TPGS1: variants seen among roughly 807,000 people sequenced by gnomAD.
The protein encoded by TPGS1 is tubulin polyglutamylase complex subunit 1, also known as gene trap ROSA b-geo 22.
In TPGS1, 18 loss-of-function variants were observed where a neutral mutation model predicts 11.9. That is an observed-to-expected ratio of 1.51 (90% CI 1.04 to 2.24). The LOEUF is 2.24. Among genes scored for constraint, TPGS1 ranks in the 30% most tolerant of loss-of-function variants. The pLI, the probability that TPGS1 is intolerant of heterozygous loss-of-function variation, is 0.00. For missense variants in TPGS1, 500 were observed against 443.0 expected (o/e 1.13, Z -1.16); for synonymous variants, 247 against 218.2 (o/e 1.13, Z -1.16).
chr19:509,263 C>T (rs1014570927), intron 1 of TPGS1: 2 of 152,288 alleles, frequency 1.3e-5, no homozygotes, highest in African/African-American at 4.8e-5. Context: ...GGAAGATGGC[C>T]TCCCAGGACA....
Position 519,526 on chromosome 19 carries a change from C to T in TPGS1, c.*103C>T, listed in dbSNP as rs1382651859. 5 of 1,063,420 alleles carry T rather than the reference C, an allele frequency of 4.7e-6. No individual in the cohort carries two copies. Among genetic ancestry groups the T allele is most frequent in the South Asian group, 4.7e-5 (1 of 21,280 alleles). The allele number at this position is 1,063,420 out of a possible 1,614,324, so 65.9% of individuals were successfully genotyped here. A position where few individuals can be genotyped will look rare whatever the true frequency, so the allele number is the denominator to read the frequency against. On this transcript the variant is annotated 3_prime_UTR_variant, in exon 2 of 2. Coordinates refer to ENST00000359315, the MANE Select transcript of TPGS1 (RefSeq NM_033513.3). ...CTGGTGAGGCCCTGCCATAACCAGG[C>T]GCCCAGCCCTGCGGAGGAGGCCGGG...
At chr19:509,020 G>C (rs975826042) in intron 1 of TPGS1, 8 of 152,458 alleles carry the variant, frequency 5.2e-5, no homozygotes, top group African/African-American at 1.7e-4. Flanking sequence ...GTTTGAAGAA[G>C]CTGCCAGAGC....
chr19:507,813 T>G lies in TPGS1; in HGVS notation c.307T>G (p.Trp103Gly), dbSNP rs1978668950. ...LQQQRLGRAL[W>G]HLRLAHHSQR... ...GCAGCAGCGCCTGGGCCGCGCGCTATGGCACCTTCGCCTGGCCCACCACTC... is the reference window on the plus strand; with the variant it reads ...GCAGCAGCGCCTGGGCCGCGCGCTAGGGCACCTTCGCCTGGCCCACCACTC... The change falls in exon 1 of 2, where the codon TGG (tryptophan) becomes GGG (glycine). Residue 103 changes from tryptophan (W) to glycine (G), a missense_variant. By Grantham distance (184) the Trp-to-Gly change is radical. Transcript: ENST00000359315. The G allele has an allele frequency of 7.4e-7, 1 of 1,360,030 alleles. No individual in the cohort carries two copies. Among genetic ancestry groups the G allele is most frequent in the South Asian group, 1.7e-5 (1 of 58,464 alleles). The allele number at this position is 1,360,030 out of a possible 1,614,324, so 84.2% of individuals were successfully genotyped here.
At chr19:515,557 G>A (rs1319751359) in intron 1 of TPGS1, among the ~76,000 whole-genome samples, 1 of 151,730 alleles carries the variant, frequency 6.6e-6, no homozygotes, top group Non-Finnish European at 1.5e-5. Flanking sequence ...GGCCGACATG[G>A]TGAAACCCCG....
intron 1 of TPGS1, among the ~76,000 whole-genome samples, chr19:517,323 TG>T (rs1352917259): frequency 5.8e-5 from 7 of 120,002 alleles, no homozygotes; most frequent in African/African-American, 2.3e-4. Context: ...CCGGTCCAGT[TG>T]GAGCTGGGAA....
Position 518,941 on chromosome 19 carries a change from G to A in TPGS1, c.391G>A (p.Gly131Arg), listed in dbSNP as rs1203277998. The change falls in exon 2 of 2, where the codon GGG (glycine) becomes AGG (arginine). Residue 131 changes from glycine to arginine, a missense_variant. By Grantham distance (125) the Gly-to-Arg change is moderately radical. Transcript: ENST00000359315. ...SVAYECLSAGGRRKRPGLDGR... is the reference protein window; with the variant it reads ...SVAYECLSAGRRRKRPGLDGR... ...GGCCTACGAGTGCCTGAGCGCCGGCGGGCGCAGGAAGAGGCCGGGGCTGGA... is the reference window on the plus strand; with the variant it reads ...GGCCTACGAGTGCCTGAGCGCCGGCAGGCGCAGGAAGAGGCCGGGGCTGGA... 3 of 1,581,528 alleles carry A rather than the reference G, an allele frequency of 1.9e-6. No individual in the cohort carries two copies. The highest frequency in any genetic ancestry group is 2.6e-6 in the Non-Finnish European group (3 of 1,170,724).
intron 1 of TPGS1, chr19:508,698 G>C (rs977970333): frequency 1.3e-5 from 2 of 152,510 alleles, no homozygotes; most frequent in Non-Finnish European, 2.9e-5. Context: ...AAGCAAAGGT[G>C]CCCTTTCAGC....
In TPGS1 at chr19:515,840, G is replaced by A. The variant is rs569695930; in HGVS notation, c.339-3049G>A. ...GAGGTCAGGAGATCGAGACCATCCC[G>A]GCTAAAACGGTGAAACCCCGTCTCT... On this transcript the variant is annotated intron_variant, in intron 1 of 1. Transcript: ENST00000359315. Among the ~76,000 whole-genome samples, 349 of 152,142 alleles carry A rather than the reference G, an allele frequency of 2.3e-3. 2 individuals are homozygous for A. Among genetic ancestry groups the A allele is most frequent in the African/African-American group, 7.3e-3 (302 of 41,514 alleles).
At position 507,736 on chromosome 19, in the gene TPGS1, G is replaced by C; in HGVS notation, c.230G>C (p.Arg77Pro). The stretch of plus-strand genomic sequence containing the variant: ...CACTACTTCGAGAACATGGGCCTGC[G>C]CTCGCCTGTAAACGGCGGCGCCGGG... ...LAHYFENMGL[R>P]SPVNGGAGEP... The change falls in exon 1 of 2, where the codon CGC becomes CCC. Residue 77 changes from arginine to proline, a missense_variant. Physicochemically the swap from Arg to Pro is moderately radical, Grantham distance 103 (BLOSUM62 -2). Coordinates refer to ENST00000359315, the MANE Select transcript of TPGS1 (RefSeq NM_033513.3). 1 of 1,399,288 alleles carries C rather than the reference G, an allele frequency of 7.1e-7. No homozygotes were observed. Among genetic ancestry groups the C allele is most frequent in the Non-Finnish European group, 9.3e-7 (1 of 1,074,684 alleles). The allele number at this position is 1,399,288 out of a possible 1,614,324, so 86.7% of individuals were successfully genotyped here.
At chr19:510,223 A>T (rs1044710309) in intron 1 of TPGS1, 1 of 152,078 alleles carries the variant, frequency 6.6e-6, no homozygotes, top group African/African-American at 2.4e-5. Context: ...AATACAAAAA[A>T]TTAGCCGGGT....
At chr19:512,078 C>A (rs1978813535) in intron 1 of TPGS1, among the ~76,000 whole-genome samples, 2 of 152,162 alleles carry the variant, frequency 1.3e-5, no homozygotes, top group South Asian at 4.1e-4. Context: ...ACCATGTTGG[C>A]CAGGCTGGTC....
rs1168713154 is a variant in TPGS1, at chr19:507,848, C to A, written c.338+4C>A. On this transcript the variant is annotated splice_donor_region_variant and intron_variant, in intron 1 of 1. Coordinates refer to ENST00000359315, the MANE Select transcript of TPGS1 (RefSeq NM_033513.3). Reference sequence around the variant, plus strand: ...GCCTGGCCCACCACTCCCAGAGGTGCGCAGTGGGCCGGCTTGGGCGGGTGG... The same window carrying A: ...GCCTGGCCCACCACTCCCAGAGGTGAGCAGTGGGCCGGCTTGGGCGGGTGG... 1 of 1,324,044 alleles carries A rather than the reference C, an allele frequency of 7.6e-7. No individual in the cohort carries two copies. Among genetic ancestry groups the A allele is most frequent in the South Asian group, 2.0e-5 (1 of 51,198 alleles). 82.0% of individuals were successfully genotyped at this position (1,324,044 alleles called of 1,614,324 possible). A position where few individuals can be genotyped will look rare whatever the true frequency, so the allele number is the denominator to read the frequency against.
intron 1 of TPGS1, among the ~76,000 whole-genome samples, chr19:512,696 C>A (rs1262908366): frequency 6.6e-6 from 1 of 152,264 alleles, no homozygotes; most frequent in Non-Finnish European, 1.5e-5. Flanking sequence ...CCGTCGCCAG[C>A]CTTCGAGATG....
chr19:518,066 G>GC (rs1311638779), intron 1 of TPGS1, among the ~76,000 whole-genome samples: 1 of 114,248 alleles, frequency 8.8e-6, no homozygotes, highest in Non-Finnish European at 1.8e-5. Flanking sequence ...GAGGAGGAAG[G>GC]CCTGGCTGGG....
chr19:513,733 C>T (rs1271470270), intron 1 of TPGS1, among the ~76,000 whole-genome samples: 22,709 of 133,270 alleles, frequency 0.17, 3,799 homozygotes, highest in Admixed American at 0.31. Context: ...GCACACCAGC[C>T]CAGCATTACT....
intron 1 of TPGS1, chr19:510,327 C>G (rs905776114): frequency 1.3e-4 from 19 of 151,578 alleles, no homozygotes; most frequent in Admixed American, 3.9e-4. Context: ...GAGCCGAGAT[C>G]GCGCCACTGC....
chr19:512,579 C>G (rs1009526498), intron 1 of TPGS1, among the ~76,000 whole-genome samples: 1 of 152,226 alleles, frequency 6.6e-6, no homozygotes, highest in Non-Finnish European at 1.5e-5. Context: ...GTGGGCCACG[C>G]CCCCTCGCAC....
At chr19:511,283 C>T (rs1268485307) in intron 1 of TPGS1, among the ~76,000 whole-genome samples, 4 of 152,222 alleles carry the variant, frequency 2.6e-5, no homozygotes, top group Non-Finnish European at 5.9e-5. Flanking sequence ...TGCTGGGAGC[C>T]GCCCGGGAGC....
rs901895947 is a variant in TPGS1, at chr19:519,575, T to A, written c.*152T>A. On this transcript the variant is annotated 3_prime_UTR_variant, in exon 2 of 2. Transcript: ENST00000359315. ...GGGCTCCCAGGAAGCGGACGCCCGG[T>A]CCCCACACAGCGCCGCGGCCGCCCC... The A allele has an allele frequency of 2.0e-5, 13 of 666,240 alleles. No individual in the cohort carries two copies. In the African/African-American group the frequency reaches 2.5e-4, roughly 13 times the overall value. The allele number at this position is 666,240 out of a possible 1,614,324, so 41.3% of individuals were successfully genotyped here.
Sources: gnomAD v4.1 joint callset for allele counts (sites outside exome capture counted in the v4.1 genomes callset) on GRCh38, gnomAD v4.1.1 for gene constraint, MANE v1.5 for transcripts, NCBI Gene and HGNC (gene_info 2026-07-23, HGNC 2026-07-21) for gene names.